Variants in ANO10 observed in about 807,000 individuals in gnomAD.
ANO10 encodes the protein anoctamin 10.
ANO10 carries 77 observed loss-of-function variants against 74.7 expected under a neutral mutation model. That is an observed-to-expected ratio of 1.03 (90% CI 0.86 to 1.25). The LOEUF (loss-of-function observed/expected upper bound fraction) is 1.25. Among genes scored for constraint, ANO10 ranks in the 50% most tolerant of loss-of-function variants. The pLI, the probability that ANO10 is intolerant of heterozygous loss-of-function variation, is 0.00. For missense variants in ANO10, 721 were observed against 778.1 expected (o/e 0.93, Z 0.87); for synonymous variants, 279 against 284.9 (o/e 0.98, Z 0.21).
intron 1 of ANO10, among the ~76,000 whole-genome samples, chr3:43,632,812 G>A (rs2083562961): frequency 1.3e-5 from 2 of 152,170 alleles, no homozygotes; most frequent in Admixed American, 6.5e-5. Flanking sequence ...TGTTTGGACA[G>A]CCTTCATAAG....
intron 1 of ANO10, among the ~76,000 whole-genome samples, chr3:43,635,842 G>A (rs912684387): frequency 6.6e-6 from 1 of 151,856 alleles, no homozygotes; most frequent in African/African-American, 2.4e-5. Flanking sequence ...GGATGGTCTC[G>A]ATAGCCTGAC....
intron 1 of ANO10, among the ~76,000 whole-genome samples, chr3:43,634,431 C>T (rs76614187): frequency 0.021 from 3,124 of 152,228 alleles, 50 homozygotes; most frequent in Non-Finnish European, 0.032. Flanking sequence ...CCAGAGTAAA[C>T]AAGCTTATTT....
At chr3:43,368,308 C>T (rs1419590143) in intron 12 of ANO10, among the ~76,000 whole-genome samples, 1 of 152,132 alleles carries the variant, frequency 6.6e-6, no homozygotes. Context: ...AGGGTTCTTT[C>T]TGCAGGGGCC....
chr3:43,664,500 G>A lies in ANO10; in HGVS notation c.-12+27017C>T, dbSNP rs576097781. Reference sequence around the variant, plus strand: ...AGACTTCACATCTAAAACACCAAAAGCAATGGCAACAAAGGCCAAAATTGA... The same window carrying A: ...AGACTTCACATCTAAAACACCAAAAACAATGGCAACAAAGGCCAAAATTGA... On this transcript the variant is annotated intron_variant, in intron 1 of 3. Transcript: ENST00000413397. Among the ~76,000 whole-genome samples, 100 of 152,256 alleles carry A rather than the reference G, an allele frequency of 6.6e-4. 1 individual carries two copies. Among genetic ancestry groups the A allele is most frequent in the African/African-American group, 2.2e-3 (91 of 41,538 alleles).
chr3:43,579,285 C>G (rs2081157233), intron 5 of ANO10, among the ~76,000 whole-genome samples: 1 of 152,136 alleles, frequency 6.6e-6, no homozygotes, highest in Admixed American at 6.5e-5. Flanking sequence ...AAGGTAATTA[C>G]AAATCACCTC....
chr3:43,433,442 G>A (rs1385874695), intron 11 of ANO10, among the ~76,000 whole-genome samples: 1 of 152,090 alleles, frequency 6.6e-6, no homozygotes, highest in Non-Finnish European at 1.5e-5. Context: ...TGAGTTACAT[G>A]AAACGTACAT....
At chr3:43,651,467 AAG>A (rs1241131065) in intron 1 of ANO10, among the ~76,000 whole-genome samples, 7 of 152,212 alleles carry the variant, frequency 4.6e-5, no homozygotes, top group African/African-American at 1.7e-4. Context: ...GTACATGTGG[AAG>A]AGTTTTTGGA....
chr3:43,690,584 A>C, intron 1 of ANO10: 2 of 188,224 alleles, frequency 1.1e-5, no homozygotes, highest in East Asian at 1.3e-4. Context: ...TCTATCGGAC[A>C]CTAGCTAGGC....
intron 1 of ANO10, among the ~76,000 whole-genome samples, chr3:43,610,913 A>T (rs2082785449): frequency 6.6e-6 from 1 of 152,208 alleles, no homozygotes; most frequent in Admixed American, 6.5e-5. Context: ...TGAACCCCAA[A>T]AGAACCTGCA....
At chr3:43,425,171 C>T (rs1479270543) in intron 12 of ANO10, among the ~76,000 whole-genome samples, 1 of 150,654 alleles carries the variant, frequency 6.6e-6, no homozygotes, top group Non-Finnish European at 1.5e-5. Flanking sequence ...TTACAGTTTC[C>T]ATTAAAAATG....
chr3:43,413,124 T>A (rs1258218655), intron 12 of ANO10, among the ~76,000 whole-genome samples: 1 of 152,212 alleles, frequency 6.6e-6, no homozygotes, highest in Non-Finnish European at 1.5e-5. Flanking sequence ...AGCTCTGTCA[T>A]CCTCTACTCT....
chr3:43,647,649 CCAT>C (rs1433356581), intron 1 of ANO10, among the ~76,000 whole-genome samples: 1 of 152,142 alleles, frequency 6.6e-6, no homozygotes, highest in Non-Finnish European at 1.5e-5. Flanking sequence ...ATAAAATTAA[CCAT>C]CATATTACAC....
At chr3:43,532,725 T>A (rs1395050847) in intron 11 of ANO10, among the ~76,000 whole-genome samples, 1 of 152,180 alleles carries the variant, frequency 6.6e-6, no homozygotes, top group Non-Finnish European at 1.5e-5. Flanking sequence ...GAAGCAAAAT[T>A]AATTTTAATT....
intron 11 of ANO10, among the ~76,000 whole-genome samples, chr3:43,480,435 T>G (rs1392421578): frequency 1.3e-5 from 2 of 152,182 alleles, no homozygotes; most frequent in South Asian, 4.1e-4. Context: ...CTGTGAAAGC[T>G]TCCAGAGAGA....
intron 11 of ANO10, among the ~76,000 whole-genome samples, chr3:43,541,367 A>G (rs1247532667): frequency 6.6e-6 from 1 of 152,176 alleles, no homozygotes; most frequent in Non-Finnish European, 1.5e-5. Context: ...AATCCTCCTA[A>G]GTTTGTAGAA....
At chr3:43,493,707 AT>A (rs1452247444) in intron 11 of ANO10, among the ~76,000 whole-genome samples, 2 of 152,228 alleles carry the variant, frequency 1.3e-5, no homozygotes, top group African/African-American at 4.8e-5. Flanking sequence ...GTAGAAAAAT[AT>A]ACTTAAATAA....
chr3:43,509,363 T>A (rs771442324), intron 11 of ANO10, among the ~76,000 whole-genome samples: 8 of 150,934 alleles, frequency 5.3e-5, no homozygotes, highest in Non-Finnish European at 1.0e-4. Context: ...AACTTAAATT[T>A]AAAAAAAAAG....
At chr3:43,509,349 C>T (rs892601628) in intron 11 of ANO10, among the ~76,000 whole-genome samples, 2 of 151,926 alleles carry the variant, frequency 1.3e-5, no homozygotes, top group Non-Finnish European at 2.9e-5. Context: ...CACATGTACC[C>T]TAGAACTTAA....
intron 4 of ANO10, among the ~76,000 whole-genome samples, chr3:43,593,851 G>A (rs1452276961): frequency 6.6e-6 from 1 of 152,182 alleles, no homozygotes; most frequent in Admixed American, 6.5e-5. Flanking sequence ...TCAGTATGCT[G>A]TATTCAGGAG....
Sources: allele counts gnomAD v4.1 joint callset (sites outside exome capture counted in the v4.1 genomes callset), GRCh38; gene constraint gnomAD v4.1.1; transcripts MANE v1.5; gene names NCBI Gene and HGNC (gene_info 2026-07-23, HGNC 2026-07-21).